GRAMD1A: variants seen among roughly 807,000 people sequenced by gnomAD.
GRAMD1A encodes the protein GRAM domain containing 1A, also known as protein Aster-A.
A neutral mutation model predicts 92.0 loss-of-function variants in GRAMD1A; 50 were observed. The ratio of observed to expected loss-of-function variants is 0.54; its 90% CI spans 0.43 to 0.69. The LOEUF (loss-of-function observed/expected upper bound fraction) is 0.69. Among genes scored for constraint, GRAMD1A ranks in the 30% least tolerant of loss-of-function variants. GRAMD1A has a pLI of 0.00. For missense variants in GRAMD1A, 819 were observed against 978.9 expected (o/e 0.84, Z 2.18); for synonymous variants, 405 against 403.6 (o/e 1.00, Z -0.04).
At chr19:35,017,286 C>G (rs1226461422) in intron 11 of GRAMD1A, among the ~76,000 whole-genome samples, 7 of 152,120 alleles carry the variant, frequency 4.6e-5, no homozygotes, top group Non-Finnish European at 8.8e-5. Flanking sequence ...TTATAAGTTA[C>G]TGAGCCTCAG....
chr19:35,000,331 C>A lies in GRAMD1A; in HGVS notation c.-148C>A. On this transcript the variant is annotated 5_prime_UTR_variant, in exon 1 of 20. Coordinates refer to ENST00000317991, the MANE Select transcript of GRAMD1A (RefSeq NM_020895.5). The surrounding 1 kb of genome is among the most constrained non-coding windows in gnomAD (Gnocchi z 4.9). ...CCTCCGGCGGCTCCGGCCTTTTGTG[C>A]GGGCGGTTGGGTCGGGTGGGGGCGG... 2.8e-6 allele frequency: 3 copies of A among 1,063,152 alleles called. No homozygotes were observed. Among genetic ancestry groups the A allele is most frequent in the Non-Finnish European group, 3.4e-6 (3 of 881,764 alleles). 65.9% of individuals were successfully genotyped at this position (1,063,152 alleles called of 1,614,324 possible). A position where few individuals can be genotyped will look rare whatever the true frequency, so the allele number is the denominator to read the frequency against.
Position 35,010,343 on chromosome 19 carries a change from C to A in GRAMD1A, c.489C>A (p.Ile163=). 13 of 1,613,680 alleles carry A rather than the reference C, an allele frequency of 8.1e-6. No homozygotes were observed. Among genetic ancestry groups the A allele is most frequent in the Non-Finnish European group, 1.0e-5 (12 of 1,179,544 alleles). ...CLKKEKTAKL[I]PNAIQICTES... ...AGAAGGAAAAGACGGCCAAGCTGAT[C>A]CCCAACGCCATCCAGATCTGCACGG... Residue 163 remains isoleucine, a synonymous_variant, in exon 6 of 20, where the codon ATC becomes ATA. Transcript: ENST00000317991.
chr19:35,010,539 C>A (rs1384530803), intron 6 of GRAMD1A, 160 bp downstream of exon 6: 1 of 617,650 alleles, frequency 1.6e-6, no homozygotes, highest in East Asian at 2.7e-5. Flanking sequence ...CTGACCTGAT[C>A]CCCGCACCAG....
chr19:34,996,794 ACT>A (rs1417986447), upstream of GRAMD1A, among the ~76,000 whole-genome samples: 3 of 140,164 alleles, frequency 2.1e-5, no homozygotes, highest in African/African-American at 7.9e-5. Context: ...TCAGAGCAAG[ACT>A]CTGTCTCAAA....
At position 35,015,897 on chromosome 19, in the gene GRAMD1A, G is replaced by T. The variant is rs757644754; in HGVS notation, c.1143G>T (p.Glu381Asp). ...ACTCTGTCTTCCATGTGGGCGCTGA[G>T]CGGCTCCAGCAGATGCTCTTCTCGG... ...LINSVFHVGA[E>D]RLQQMLFSDS... The change falls in exon 11 of 20, where the codon GAG (glutamate) becomes GAT (aspartate). Residue 381 changes from glutamate (E) to aspartate (D), a missense_variant. Coordinates refer to ENST00000317991, the MANE Select transcript of GRAMD1A (RefSeq NM_020895.5). 1 of 1,614,110 alleles carries T rather than the reference G, an allele frequency of 6.2e-7. No homozygotes were observed. The highest frequency in any genetic ancestry group is 8.5e-7 in the Non-Finnish European group (1 of 1,179,990).
At chr19:34,998,296 T>TC (rs1376438985), upstream of GRAMD1A, 4 of 136,328 alleles carry the variant, frequency 2.9e-5, no homozygotes, top group African/African-American at 1.1e-4. Flanking sequence ...TATATTTTCT[T>TC]CCTTTTTTTT....
At chr19:34,996,209 G>A (rs2014029132), upstream of GRAMD1A, 1 of 1,535,620 alleles carries the variant, frequency 6.5e-7, no homozygotes, top group Non-Finnish European at 8.7e-7. Context: ...ATCCAGTGAT[G>A]GGGAGTCCCC....
chr19:35,004,944 C>G (rs1317039202), intron 1 of GRAMD1A, among the ~76,000 whole-genome samples: 1 of 152,106 alleles, frequency 6.6e-6, no homozygotes, highest in East Asian at 1.9e-4. Flanking sequence ...AGGGTTCAGA[C>G]ACTAGCTCAG....
intron 16 of GRAMD1A, 25 bp from the exon 17 acceptor site, chr19:35,022,875 T>C (rs2016168373): frequency 1.2e-6 from 2 of 1,602,980 alleles, no homozygotes; most frequent in South Asian, 2.2e-5. Context: ...CATCTCTCTG[T>C]CTCCCCTCAC....
Position 35,009,915 on chromosome 19 carries a change from A to C in GRAMD1A, c.268A>C (p.Asn90His). Residue 90 changes from asparagine to histidine, a missense_variant, in exon 4 of 20, where the codon AAT (asparagine) becomes CAT (histidine). This residue lies in a region of GRAMD1A where 144 missense variants were observed against 220.3 expected (regional missense o/e 0.65). Coordinates refer to ENST00000317991, the MANE Select transcript of GRAMD1A (RefSeq NM_020895.5). ...SMLSPTYKQR[N>H]EDFRKLFSKL... ...GCTGAGCCCCACTTATAAGCAGCGT[A>C]ATGAGGACTTCCGGAAACTGTTCAG... 1 of 1,612,154 alleles carries C rather than the reference A, an allele frequency of 6.2e-7. No homozygotes were observed. The highest frequency in any genetic ancestry group is 8.5e-7 in the Non-Finnish European group (1 of 1,178,236).
At chr19:34,997,529 C>T (rs185964071), upstream of GRAMD1A, among the ~76,000 whole-genome samples, 119 of 152,238 alleles carry the variant, frequency 7.8e-4, no homozygotes, top group African/African-American at 2.8e-3. Context: ...GGAAAGAACT[C>T]TACCGACCCT....
rs376415103 is a variant in GRAMD1A at position 35,004,676 on chromosome 19, C to T, written c.8+4190C>T. Among the ~76,000 whole-genome samples, 52 of 152,018 alleles carry T rather than the reference C, an allele frequency of 3.4e-4. 1 individual carries two copies. The East Asian group carries it at 3.5e-3, about 10-fold the overall frequency. Reference sequence around the variant, plus strand: ...TGGAGTTGAGGGTCAGTCATGGAGGCGCCTAACATCAGGCGTAGTGCTTGT... The same window carrying T: ...TGGAGTTGAGGGTCAGTCATGGAGGTGCCTAACATCAGGCGTAGTGCTTGT... On this transcript the variant is annotated intron_variant, in intron 1 of 19. Transcript: ENST00000317991.
intron 1 of GRAMD1A, chr19:35,002,629 A>G (rs8111747): frequency 0.46 from 69,091 of 151,824 alleles, 16,026 homozygotes; most frequent in African/African-American, 0.54. Context: ...TCAAACTCCT[A>G]ACCTCAGGTG....
chr19:35,025,772 G>A (rs144933846), intron 19 of GRAMD1A, among the ~76,000 whole-genome samples: 14 of 152,208 alleles, frequency 9.2e-5, no homozygotes, highest in Non-Finnish European at 1.5e-4. Context: ...GGGTGGTTAC[G>A]GGACTTGCCT....
intron 1 of GRAMD1A, among the ~76,000 whole-genome samples, chr19:35,005,016 C>T (rs1479816300): frequency 6.6e-6 from 1 of 152,132 alleles, no homozygotes; most frequent in East Asian, 1.9e-4. Context: ...GGGGCCCACA[C>T]TCCAGGCTGC....
upstream of GRAMD1A, chr19:35,000,195 C>G: frequency 2.0e-6 from 2 of 1,015,756 alleles, no homozygotes; most frequent in African/African-American, 1.7e-5. The surrounding 1 kb of genome is among the most constrained non-coding windows in gnomAD (Gnocchi z 4.9). Context: ...CCCGGCTTCT[C>G]CCTCCTTCTA....
chr19:34,994,848 G>A (rs1400902195), intron 1 of GRAMD1A: 1 of 152,324 alleles, frequency 6.6e-6, no homozygotes, highest in Admixed American at 6.5e-5. Flanking sequence ...GAGTACTCGG[G>A]TGCCTGGGAA....
At chr19:34,998,660 A>T (rs1178554910), upstream of GRAMD1A, 4 of 152,138 alleles carry the variant, frequency 2.6e-5, no homozygotes, top group Non-Finnish European at 5.9e-5. Context: ...GAAACAGACC[A>T]AAGAGAAATC....
rs894464862 is a variant in GRAMD1A at position 35,000,976 on chromosome 19, G to A, written c.8+490G>A. Among the ~76,000 whole-genome samples, 24 of 151,920 alleles carry A rather than the reference G, an allele frequency of 1.6e-4. No individual in the cohort carries two copies. The highest frequency in any genetic ancestry group is 5.6e-4 in the African/African-American group (23 of 41,338). ...CCCTCCCACCGTCCTTGGCTGTTGC[G>A]GGTCTCGGGGCTGCCGGGGGTGGGG... On this transcript the variant is annotated intron_variant, in intron 1 of 19. Transcript: ENST00000317991. The surrounding 1 kb of genome is among the most constrained non-coding windows in gnomAD (Gnocchi z 4.9).
Sources: allele counts gnomAD v4.1 joint callset (sites outside exome capture counted in the v4.1 genomes callset), GRCh38; gene constraint gnomAD v4.1.1; regional missense constraint gnomAD v4.1.1; non-coding constraint Gnocchi (gnomAD v3.1); transcripts MANE v1.5; gene names NCBI Gene and HGNC (gene_info 2026-07-23, HGNC 2026-07-21).